Variants in CELF4 observed in about 807,000 individuals in gnomAD.
CELF4 encodes the protein CUGBP Elav-like family member 4.
Under a neutral mutation model 59.9 loss-of-function variants are expected in CELF4, and 18 were observed. The observed-to-expected ratio is 0.30, with a 90% CI of 0.21 to 0.45. The LOEUF is 0.45. Ranked by LOEUF, CELF4 falls within the 20% of genes least tolerant of loss-of-function variation. The pLI is 1.00. For missense variants in CELF4, 456 were observed against 689.0 expected (o/e 0.66, Z 3.79); for synonymous variants, 261 against 267.1 (o/e 0.98, Z 0.22).
Position 37,245,790 on chromosome 18 carries a change from C to T in CELF4, c.*45-593G>A, listed in dbSNP as rs2061848698. 6.6e-5 allele frequency among the ~76,000 whole-genome samples: 10 copies of T among 152,114 alleles called. No individual in the cohort carries two copies. In the South Asian group the frequency reaches 1.9e-3, roughly 28 times the overall value. On this transcript the variant is annotated intron_variant, in intron 12 of 12. Coordinates refer to ENST00000420428, the MANE Select transcript of CELF4 (RefSeq NM_020180.4). The surrounding 1 kb of genome is among the most constrained non-coding windows in gnomAD (Gnocchi z 4.1). ...TGGATATATGTGTAGAATATATTCACCTGCACATATGTGGATATACATGGA... is the reference window on the plus strand; with the variant it reads ...TGGATATATGTGTAGAATATATTCATCTGCACATATGTGGATATACATGGA...
intron 2 of CELF4, among the ~76,000 whole-genome samples, chr18:37,362,797 T>G (rs1320534482): frequency 6.6e-6 from 1 of 152,282 alleles, no homozygotes; most frequent in Admixed American, 6.5e-5. Context: ...ATCTGCTGCC[T>G]TCCAGGGCCT....
At chr18:37,248,283 C>T (rs1217564944) in intron 12 of CELF4, among the ~76,000 whole-genome samples, 3 of 152,202 alleles carry the variant, frequency 2.0e-5, no homozygotes, top group Non-Finnish European at 4.4e-5. Context: ...CTACTGAGTT[C>T]ATCTTGCATT....
intron 1 of CELF4, among the ~76,000 whole-genome samples, chr18:37,542,838 C>T (rs188165971): frequency 6.4e-4 from 98 of 152,270 alleles, no homozygotes; most frequent in African/African-American, 2.3e-3. Flanking sequence ...TTAGGAGACG[C>T]TCCAAGCTCC....
At chr18:37,530,078 C>T (rs546083680) in intron 1 of CELF4, among the ~76,000 whole-genome samples, 6 of 152,318 alleles carry the variant, frequency 3.9e-5, no homozygotes, top group South Asian at 4.2e-4. Flanking sequence ...GCACTACCCA[C>T]GCCATCCTGC....
At chr18:37,502,748 G>T (rs1424863467) in intron 1 of CELF4, among the ~76,000 whole-genome samples, 1 of 152,180 alleles carries the variant, frequency 6.6e-6, no homozygotes, top group African/African-American at 2.4e-5. Flanking sequence ...CACTAAGGAT[G>T]GGCCCCATCC....
At chr18:37,338,759 C>CGTGT (rs60532435) in intron 2 of CELF4, among the ~76,000 whole-genome samples, 51,394 of 145,434 alleles carry the variant, frequency 0.35, 9,061 homozygotes, top group Admixed American at 0.41. Context: ...ATGCAGGAGC[C>CGTGT]GTGTGTGTGT....
chr18:37,332,502 C>T (rs1028282164), intron 2 of CELF4, among the ~76,000 whole-genome samples: 8 of 152,136 alleles, frequency 5.3e-5, no homozygotes, highest in Non-Finnish European at 8.8e-5. Context: ...CTGCTCTCCC[C>T]ACTCTCTCCC....
At chr18:37,356,019 C>A (rs1214050295) in intron 2 of CELF4, among the ~76,000 whole-genome samples, 2 of 152,086 alleles carry the variant, frequency 1.3e-5, no homozygotes, top group Non-Finnish European at 2.9e-5. Flanking sequence ...ACAGCCCAGC[C>A]CAGCCCAGCC....
intron 1 of CELF4, among the ~76,000 whole-genome samples, chr18:37,514,336 A>T (rs968854280): frequency 2.0e-5 from 3 of 152,180 alleles, no homozygotes; most frequent in African/African-American, 7.2e-5. Context: ...CTGCAAAAGG[A>T]ACACTGTTTT....
At chr18:37,476,040 A>G (rs2154602772) in intron 2 of CELF4, among the ~76,000 whole-genome samples, 1 of 152,372 alleles carries the variant, frequency 6.6e-6, no homozygotes, top group East Asian at 1.9e-4. Flanking sequence ...TAGGAGTCAC[A>G]GGACTTTATT....
intron 2 of CELF4, among the ~76,000 whole-genome samples, chr18:37,372,905 C>T (rs1004382183): frequency 6.6e-6 from 1 of 152,042 alleles, no homozygotes; most frequent in Non-Finnish European, 1.5e-5. Context: ...TTAGTGTGAC[C>T]TGTTGAGGGC....
At chr18:37,465,243 G>A (rs1723763632) in intron 2 of CELF4, among the ~76,000 whole-genome samples, 1 of 152,070 alleles carries the variant, frequency 6.6e-6, no homozygotes, top group South Asian at 2.1e-4. Context: ...GTGCCATGGG[G>A]ACAGAAATGT....
chr18:37,278,056 T>C (rs1442878304), intron 3 of CELF4, among the ~76,000 whole-genome samples: 1 of 152,248 alleles, frequency 6.6e-6, no homozygotes, highest in Non-Finnish European at 1.5e-5. Context: ...CATGTGCCTT[T>C]CTATCCAGCC....
intron 6 of CELF4, chr18:37,273,576 T>C: frequency 1.0e-6 from 1 of 993,842 alleles, no homozygotes; most frequent in Non-Finnish European, 1.2e-6. Flanking sequence ...TTGGAGTCTG[T>C]TGGTAGAAGT....
At chr18:37,356,798 G>A (rs890984672) in intron 2 of CELF4, among the ~76,000 whole-genome samples, 1 of 152,178 alleles carries the variant, frequency 6.6e-6, no homozygotes, top group Non-Finnish European at 1.5e-5. Flanking sequence ...TCTGACCTTG[G>A]TCTCTCTGAC....
intron 2 of CELF4, among the ~76,000 whole-genome samples, chr18:37,378,408 C>T (rs1347536210): frequency 6.6e-6 from 1 of 151,932 alleles, no homozygotes. Flanking sequence ...AGGACAAATT[C>T]CCCCGACTTT....
At chr18:37,553,051 G>A (rs1334063359) in intron 1 of CELF4, among the ~76,000 whole-genome samples, 2 of 152,216 alleles carry the variant, frequency 1.3e-5, no homozygotes, top group African/African-American at 4.8e-5. Context: ...AGGCTTCGCC[G>A]TTTGTTCCTC....
chr18:37,546,459 C>G (rs1204634525), intron 1 of CELF4, among the ~76,000 whole-genome samples: 1 of 152,186 alleles, frequency 6.6e-6, no homozygotes, highest in African/African-American at 2.4e-5. Context: ...GAATCCTGGT[C>G]AGACTCAGAG....
intron 11 of CELF4, among the ~76,000 whole-genome samples, chr18:37,258,785 G>A (rs2072035245): frequency 6.6e-6 from 1 of 152,188 alleles, no homozygotes; most frequent in Non-Finnish European, 1.5e-5. Context: ...GGGGCTACTG[G>A]GGGAATGGGT....
Sources: gnomAD v4.1 joint callset for allele counts (sites outside exome capture counted in the v4.1 genomes callset) on GRCh38, gnomAD v4.1.1 for gene constraint, Gnocchi (gnomAD v3.1) non-coding constraint, MANE v1.5 for transcripts, NCBI Gene and HGNC (gene_info 2026-07-23, HGNC 2026-07-21) for gene names.